The following PLD5 variants were observed in gnomAD, a reference collection of about 807,000 sequenced individuals.
The protein encoded by PLD5 is inactive phospholipase D5.
PLD5 carries 36 observed loss-of-function variants against 61.1 expected under a neutral mutation model. That is an observed-to-expected ratio of 0.59 (90% CI 0.45 to 0.78). PLD5 has a LOEUF of 0.78. Among genes scored for constraint, PLD5 ranks in the 30% least tolerant of loss-of-function variants. PLD5 has a pLI of 0.00. For synonymous variants in PLD5, 243 were observed against 242.8 expected (o/e 1.00, Z -0.01); for missense variants, 515 against 644.4 (o/e 0.80, Z 2.17).
At chr1:242,219,088 G>A (rs1670400642) in intron 5 of PLD5, among the ~76,000 whole-genome samples, 1 of 152,200 alleles carries the variant, frequency 6.6e-6, no homozygotes, top group Admixed American at 6.5e-5. Flanking sequence ...CTTGGAAAAT[G>A]TATAATTCTT....
rs1438336165 is a variant in PLD5 at position 242,274,323 on chromosome 1, C to T, written c.496-8875G>A. Among the ~76,000 whole-genome samples, 73 of 152,284 alleles carry T rather than the reference C, an allele frequency of 4.8e-4. 1 individual carries two copies. Among genetic ancestry groups the T allele is most frequent in the Admixed American group, 3.3e-4 (5 of 15,304 alleles). ...AGTGCTTTGGAAGGCCATGTGGGGG[C>T]GGAGGATCACTTGAGGCCAAGAGTT... On this transcript the variant is annotated intron_variant, in intron 3 of 9. Transcript: ENST00000536534.
chr1:242,139,478 T>C (rs1235706007), intron 5 of PLD5, among the ~76,000 whole-genome samples: 1 of 152,054 alleles, frequency 6.6e-6, no homozygotes, highest in Non-Finnish European at 1.5e-5. Context: ...AACTGCTTCC[T>C]GTGCTTAGCT....
chr1:242,462,618 A>AG (rs1170449973), intron 1 of PLD5, among the ~76,000 whole-genome samples: 5 of 151,292 alleles, frequency 3.3e-5, no homozygotes, highest in Non-Finnish European at 7.4e-5. Context: ...AATAAAAAAA[A>AG]AAAGAAAAAA....
intron 1 of PLD5, among the ~76,000 whole-genome samples, chr1:242,481,164 C>T (rs1572218821): frequency 6.6e-6 from 1 of 152,124 alleles, no homozygotes; most frequent in South Asian, 2.1e-4. Context: ...TCTGCATTTC[C>T]AACTGAGGTA....
intron 5 of PLD5, among the ~76,000 whole-genome samples, chr1:242,218,520 C>T (rs1290038510): frequency 1.3e-5 from 2 of 152,112 alleles, no homozygotes; most frequent in African/African-American, 4.8e-5. Flanking sequence ...AAGTATTGAG[C>T]AAGAGTAGTT....
intron 1 of PLD5, among the ~76,000 whole-genome samples, chr1:242,507,280 C>A (rs1668759345): frequency 6.6e-6 from 1 of 152,104 alleles, no homozygotes; most frequent in African/African-American, 2.4e-5. Context: ...TACCAGCAAC[C>A]CTGAAATTCA....
At chr1:242,245,105 T>C (rs1672281298) in intron 4 of PLD5, among the ~76,000 whole-genome samples, 1 of 152,240 alleles carries the variant, frequency 6.6e-6, no homozygotes. Context: ...CAGTATTATA[T>C]AAAACCTTCA....
At chr1:242,166,661 A>G (rs927950201) in intron 5 of PLD5, among the ~76,000 whole-genome samples, 2 of 152,028 alleles carry the variant, frequency 1.3e-5, no homozygotes, top group African/African-American at 4.8e-5. Context: ...GACTCATTAT[A>G]CTCTCCTCGC....
At chr1:242,277,196 C>A (rs747470329) in intron 3 of PLD5, among the ~76,000 whole-genome samples, 1 of 152,182 alleles carries the variant, frequency 6.6e-6, no homozygotes, top group Non-Finnish European at 1.5e-5. Flanking sequence ...CATTCCTTTG[C>A]TCCAGGGGAA....
intron 1 of PLD5, among the ~76,000 whole-genome samples, chr1:242,400,494 C>T (rs188462363): frequency 6.6e-6 from 1 of 152,094 alleles, no homozygotes; most frequent in African/African-American, 2.4e-5. Flanking sequence ...ATCTCAGGGA[C>T]CCCACACTCT....
At chr1:242,409,581 C>G (rs1664428854) in intron 1 of PLD5, among the ~76,000 whole-genome samples, 1 of 152,006 alleles carries the variant, frequency 6.6e-6, no homozygotes, top group South Asian at 2.1e-4. Flanking sequence ...GTTTAATAGG[C>G]AAGAAAGAAG....
At chr1:242,372,841 T>G (rs921515369) in intron 1 of PLD5, among the ~76,000 whole-genome samples, 5 of 61,202 alleles carry the variant, frequency 8.2e-5, no homozygotes, top group African/African-American at 1.2e-4. Context: ...ATAAAAACCC[T>G]AGAAGAAAAC....
chr1:242,453,923 CCTT>C (rs1365484226), intron 1 of PLD5, among the ~76,000 whole-genome samples: 1 of 152,224 alleles, frequency 6.6e-6, no homozygotes, highest in African/African-American at 2.4e-5. Context: ...CTCACCCACT[CCTT>C]CTCAGCCTCA....
At chr1:242,301,623 C>A (rs568532137) in intron 2 of PLD5, among the ~76,000 whole-genome samples, 2 of 152,064 alleles carry the variant, frequency 1.3e-5, no homozygotes, top group Non-Finnish European at 2.9e-5. Context: ...AATTAACTAG[C>A]GTTTATCTGT....
intron 5 of PLD5, among the ~76,000 whole-genome samples, chr1:242,152,295 C>A (rs1421958642): frequency 6.6e-6 from 1 of 152,078 alleles, no homozygotes; most frequent in African/African-American, 2.4e-5. Flanking sequence ...AATTCCCTCT[C>A]CCAGTTTTAA....
intron 5 of PLD5, among the ~76,000 whole-genome samples, chr1:242,142,714 TTCTC>T (rs35627694): frequency 0.013 from 1,197 of 90,042 alleles, 9 homozygotes; most frequent in African/African-American, 0.024. Context: ...AGCTGTGTCT[TTCTC>T]TCTCTCTCTC....
intron 2 of PLD5, among the ~76,000 whole-genome samples, chr1:242,320,000 G>C (rs12143712): frequency 0.067 from 10,141 of 152,122 alleles, 347 homozygotes; most frequent in Middle Eastern, 0.099. Context: ...GAGGTCCTCA[G>C]ATTCTCTTTG....
At chr1:242,316,619 T>TTAA (rs1355645284) in intron 2 of PLD5, among the ~76,000 whole-genome samples, 1 of 152,204 alleles carries the variant, frequency 6.6e-6, no homozygotes, top group Non-Finnish European at 1.5e-5. Context: ...TATTTAACAT[T>TTAA]TAATAATTTT....
chr1:242,251,858 G>A (rs1362840230), intron 4 of PLD5, among the ~76,000 whole-genome samples: 1 of 152,168 alleles, frequency 6.6e-6, no homozygotes, highest in Non-Finnish European at 1.5e-5. Context: ...AAGAGAATCA[G>A]AGATAACCTC....
Sources: allele counts gnomAD v4.1 joint callset (sites outside exome capture counted in the v4.1 genomes callset), GRCh38; gene constraint gnomAD v4.1.1; transcripts MANE v1.5; gene names NCBI Gene and HGNC (gene_info 2026-07-23, HGNC 2026-07-21).